Variants in DST observed in about 807,000 individuals in gnomAD.
The protein encoded by DST is dystonin, also known as bullous pemphigoid antigen.
Under a neutral mutation model 875.2 loss-of-function variants are expected in DST, and 253 were observed. That is an observed-to-expected ratio of 0.29 (90% CI 0.26 to 0.32). The LOEUF (loss-of-function observed/expected upper bound fraction) is 0.32, where lower values mean the gene tolerates loss of function less well. Ranked by LOEUF, DST falls within the 10% of genes least tolerant of loss-of-function variation. DST has a pLI of 1.00. For synonymous variants in DST, 3,124 were observed against 3,197.1 expected, an observed-to-expected ratio of 0.98 and a Z score of 0.77; for missense variants, 8,287 against 9,111.6, an observed-to-expected ratio of 0.91 and a Z score of 3.68.
At chr6:56,587,806 A>C (rs9396224) in intron 49 of DST, among the ~76,000 whole-genome samples, 57,380 of 151,712 alleles carry the variant, frequency 0.38, 11,320 homozygotes, top group Admixed American at 0.44. Flanking sequence ...ATATCCAGCC[A>C]AACTAAGCTT....
At position 56,617,291 on chromosome 6, in the gene DST, C is replaced by T. The variant is rs757731922; in HGVS notation, c.4930-2807G>A. On this transcript the variant is annotated intron_variant, in intron 36 of 103. Coordinates refer to ENST00000680361, the MANE Select transcript of DST (RefSeq NM_001374736.1). Reference sequence around the variant, plus strand: ...TTCTAAGCCCTTCTTAAGGAAATCCCCTTTCTTGAGTCCACCAGATGCTCT... The same window carrying T: ...TTCTAAGCCCTTCTTAAGGAAATCCTCTTTCTTGAGTCCACCAGATGCTCT... 1.9e-6 allele frequency: 3 copies of T among 1,613,418 alleles called. No homozygotes were observed. The African/African-American group carries it at 4.0e-5, about 22-fold the overall frequency.
chr6:56,721,115 C>CT (rs2099414258), intron 5 of DST, among the ~76,000 whole-genome samples: 1 of 151,404 alleles, frequency 6.6e-6, no homozygotes, highest in African/African-American at 2.4e-5. Flanking sequence ...CGCCCCCCCA[C>CT]CTCCCAGACA....
chr6:56,571,749 G>A (rs553877480), intron 53 of DST, among the ~76,000 whole-genome samples: 2 of 152,196 alleles, frequency 1.3e-5, no homozygotes, highest in Non-Finnish European at 2.9e-5. Context: ...ACGAGCTGTT[G>A]TTCAAGGTTA....
intron 3 of DST, 102 bp from the exon 4 acceptor site, chr6:56,851,706 C>CA: frequency 6.4e-7 from 1 of 1,552,788 alleles, no homozygotes; most frequent in South Asian, 1.2e-5. Context: ...TCCCTGCCCC[C>CA]AAACTGGGTC....
chr6:56,872,324 CA>C (rs1294730516), intron 3 of DST, among the ~76,000 whole-genome samples: 2 of 151,996 alleles, frequency 1.3e-5, no homozygotes, highest in African/African-American at 2.4e-5. Flanking sequence ...AGTATGATAA[CA>C]TTTTTTATTA....
At chr6:56,584,087 G>T (rs1455781141) in intron 49 of DST, among the ~76,000 whole-genome samples, 2 of 151,960 alleles carry the variant, frequency 1.3e-5, no homozygotes, top group African/African-American at 4.8e-5. Flanking sequence ...CTCTTTTTTG[G>T]TTCCATATGA....
chr6:56,710,667 CA>C (rs368256837), intron 5 of DST, among the ~76,000 whole-genome samples: 2 of 152,030 alleles, frequency 1.3e-5, no homozygotes, highest in Admixed American at 6.5e-5. Flanking sequence ...AAAATACACA[CA>C]AAAAATGCTC....
intron 68 of DST, among the ~76,000 whole-genome samples, chr6:56,526,986 G>A (rs532848296): frequency 6.6e-6 from 1 of 152,202 alleles, no homozygotes; most frequent in East Asian, 1.9e-4. Context: ...TTTATATCAT[G>A]ACAGTAGAAT....
intron 79 of DST, 39 bp from the exon 80 acceptor site, chr6:56,501,274 G>C (rs747459513): frequency 1.3e-6 from 2 of 1,542,574 alleles, no homozygotes; most frequent in South Asian, 2.5e-5. Flanking sequence ...TTATAAATTT[G>C]ATATTATGAA....
intron 102 of DST, among the ~76,000 whole-genome samples, chr6:56,462,529 CA>C (rs923047918): frequency 2.6e-5 from 4 of 152,126 alleles, no homozygotes; most frequent in Non-Finnish European, 4.4e-5. Context: ...CACACCTGCC[CA>C]AAGTTTTGGG....
chr6:56,483,997 T>C (rs2095486198), intron 88 of DST: 1 of 152,154 alleles, frequency 6.6e-6, no homozygotes, highest in Non-Finnish European at 1.5e-5. Context: ...TCCAATAGTT[T>C]TCAGAAGACT....
rs572323536 is a variant in DST at position 56,619,376 on chromosome 6, T to A, written c.4930-4892A>T. 9.1e-5 allele frequency: 147 copies of A among 1,613,698 alleles called. No individual in the cohort carries two copies. The South Asian group carries it at 1.5e-3, about 17-fold the overall frequency. The stretch of plus-strand genomic sequence containing the variant: ...TTCTTCATTGAGCCTTTGGATTTTA[T>A]CATTATTTTCTTTTTCAGCTTTGAT... On this transcript the variant is annotated intron_variant, in intron 36 of 103. Coordinates refer to ENST00000680361, the MANE Select transcript of DST (RefSeq NM_001374736.1).
At chr6:56,571,450 C>G (rs2097780348) in intron 53 of DST, among the ~76,000 whole-genome samples, 1 of 152,076 alleles carries the variant, frequency 6.6e-6, no homozygotes, top group African/African-American at 2.4e-5. Flanking sequence ...AAATAAAGAA[C>G]AGTAGTTGGA....
chr6:56,623,345 T>C (rs2098707108), intron 36 of DST, among the ~76,000 whole-genome samples: 3 of 152,174 alleles, frequency 2.0e-5, no homozygotes, highest in Non-Finnish European at 4.4e-5. Context: ...CTGTATACCA[T>C]TTAAAATGGA....
intron 13 of DST, among the ~76,000 whole-genome samples, chr6:56,646,571 A>G (rs1332815758): frequency 6.6e-6 from 1 of 152,208 alleles, no homozygotes; most frequent in East Asian, 1.9e-4. Flanking sequence ...CAATTCCCAT[A>G]AAGAAAGCAA....
intron 4 of DST, among the ~76,000 whole-genome samples, chr6:56,791,534 C>A (rs563333549): frequency 1.3e-5 from 2 of 152,090 alleles, no homozygotes; most frequent in Non-Finnish European, 2.9e-5. Context: ...TACCTGTAAT[C>A]CCCACACTTT....
chr6:56,467,285 T>C (rs1034230200), intron 98 of DST: 1 of 152,146 alleles, frequency 6.6e-6, no homozygotes, highest in African/African-American at 2.4e-5. Context: ...AAAAATCTGC[T>C]ACTTTTCAGT....
chr6:56,689,631 A>G (rs1208506980), intron 9 of DST, among the ~76,000 whole-genome samples: 1 of 152,180 alleles, frequency 6.6e-6, no homozygotes, highest in Non-Finnish European at 1.5e-5. Flanking sequence ...CAGAATAAGA[A>G]TAGTAAAAAG....
intron 4 of DST, among the ~76,000 whole-genome samples, chr6:56,790,553 G>A (rs968552763): frequency 6.6e-6 from 1 of 152,202 alleles, no homozygotes; most frequent in Non-Finnish European, 1.5e-5. Flanking sequence ...AGCCCAGGGA[G>A]AAAACACACC....
Sources: allele counts gnomAD v4.1 joint callset (sites outside exome capture counted in the v4.1 genomes callset), GRCh38; gene constraint gnomAD v4.1.1; transcripts MANE v1.5; gene names NCBI Gene and HGNC (gene_info 2026-07-23, HGNC 2026-07-21).